MICOS13: variants seen among roughly 807,000 people sequenced by gnomAD.
The protein encoded by MICOS13 is MICOS complex subunit MIC13.
MICOS13 carries 15 observed loss-of-function variants against 16.1 expected under a neutral mutation model. That is an observed-to-expected ratio of 0.93 (90% CI 0.62 to 1.44). The LOEUF (loss-of-function observed/expected upper bound fraction) is 1.44. MICOS13 is among the 40% of genes most tolerant of loss of function. MICOS13 has a pLI of 0.00. For synonymous variants in MICOS13, 61 were observed against 62.6 expected (o/e 0.97, Z 0.12); for missense variants, 164 against 155.0 (o/e 1.06, Z -0.31).
At chr19:5,679,062 C>A (rs567522433) in intron 3 of MICOS13, 27 of 424,022 alleles carry the variant, frequency 6.4e-5, no homozygotes, top group African/African-American at 5.5e-4. Context: ...CAGGTGTGCA[C>A]CACCACGCAC....
At chr19:5,678,759 G>A (rs752682488) in intron 3 of MICOS13, 111 bp from the exon 4 acceptor site, 27 of 617,374 alleles carry the variant, frequency 4.4e-5, no homozygotes, top group South Asian at 7.9e-5. Context: ...GGTGGGGGGC[G>A]GGGATGGAGT....
chr19:5,678,468 C>T lies in MICOS13; in HGVS notation c.*83G>A, dbSNP rs191926179. The T allele has an allele frequency of 4.9e-5, 65 of 1,322,872 alleles. No individual in the cohort carries two copies. The highest frequency in any genetic ancestry group is 1.1e-4 in the Admixed American group (5 of 45,598). 81.9% of individuals were successfully genotyped at this position (1,322,872 alleles called of 1,614,324 possible). ...GGCCGGCAAGGCCGGGAGCTGCCCT[C>T]GGAGTGGGGTCCCAGTCCGGAGTCT... On this transcript the variant is annotated 3_prime_UTR_variant, in exon 4 of 4. Transcript: ENST00000309324.
intron 1 of MICOS13, 37 bp from the exon 2 acceptor site, chr19:5,679,800 A>C: frequency 6.5e-7 from 1 of 1,549,392 alleles, no homozygotes; most frequent in Non-Finnish European, 8.7e-7. Context: ...AGCTCAGCGG[A>C]CACTGACAGC....
rs775300752 is a variant in MICOS13, at chr19:5,679,759, G to A, written c.34C>T (p.Leu12Phe). ...CCCCCAGCCACACTTCCCTTGATGA[G>A]GAACCTGCGGGCAGGGACGGGAGGA... ...VARVWSLMRF[L>F]IKGSVAGGAV... Residue 12 changes from leucine (L) to phenylalanine (F), a missense_variant, in exon 2 of 4, where the codon CTC (leucine) becomes TTC (phenylalanine). Physicochemically the swap from Leu to Phe is conservative, Grantham distance 22. Transcript: ENST00000309324. The A allele has an allele frequency of 1.3e-6, 2 of 1,599,826 alleles. No individual in the cohort carries two copies. Among genetic ancestry groups the A allele is most frequent in the East Asian group, 4.5e-5 (2 of 44,396 alleles).
At chr19:5,679,470 G>A in intron 2 of MICOS13, 74 bp from the exon 3 acceptor site, 2 of 1,592,808 alleles carry the variant, frequency 1.3e-6, no homozygotes, top group Middle Eastern at 1.9e-4. Flanking sequence ...GAGGGAGGAG[G>A]ACAGGCCGGA....
Position 5,678,535 on chromosome 19 carries a change from G to A in MICOS13, c.*16C>T, listed in dbSNP as rs545120984. The stretch of plus-strand genomic sequence containing the variant: ...CCTGCCCGTTCTGGCCGGGGCAGGC[G>A]GCCCCTGCTGACTCGCTACTTGGTG... On this transcript the variant is annotated 3_prime_UTR_variant, in exon 4 of 4. Transcript: ENST00000309324. 2.2e-5 allele frequency: 34 copies of A among 1,545,838 alleles called. No individual in the cohort carries two copies. The highest frequency in any genetic ancestry group is 4.4e-4 in the Middle Eastern group (2 of 4,590).
chr19:5,680,270 G>C (rs1362263565), intron 1 of MICOS13, 188 bp downstream of exon 1: 1 of 1,591,090 alleles, frequency 6.3e-7, no homozygotes, highest in East Asian at 2.3e-5. Flanking sequence ...AGGAGGGAGG[G>C]GATTGGCGAC....
In MICOS13 at chr19:5,679,272, G is replaced by A. The variant is rs529194543; in HGVS notation, c.259+73C>T. On this transcript the variant is annotated intron_variant, in intron 3 of 3. Coordinates refer to ENST00000309324, the MANE Select transcript of MICOS13 (RefSeq NM_205767.3). Reference sequence around the variant, plus strand: ...GGGCAGGAAGGAGGATGGACAGAAAGGAATGGCCAGGAAGTGGGGAGAGGG... The same window carrying A: ...GGGCAGGAAGGAGGATGGACAGAAAAGAATGGCCAGGAAGTGGGGAGAGGG... 601 of 1,455,852 alleles carry A rather than the reference G, an allele frequency of 4.1e-4. 1 individual carries two copies. The highest frequency in any genetic ancestry group is 1.9e-3 in the Middle Eastern group (11 of 5,704). 90.2% of individuals were successfully genotyped at this position (1,455,852 alleles called of 1,614,324 possible).
chr19:5,679,948 A>AG, intron 1 of MICOS13, 185 bp from the exon 2 acceptor site: 13 of 1,392,150 alleles, frequency 9.3e-6, no homozygotes, highest in Non-Finnish European at 1.2e-5. Context: ...CGTGCAAGGC[A>AG]GGGCGGCTGG....
Position 5,678,614 on chromosome 19 carries a change from G to C in MICOS13, c.294C>G (p.Ala98=), listed in dbSNP as rs1012525023. 1.9e-6 allele frequency: 3 copies of C among 1,546,336 alleles called. No individual in the cohort carries two copies. In the South Asian group the frequency reaches 3.6e-5, roughly 18 times the overall value. Reference sequence around the variant, plus strand: ...TGGAGTACTCGCGGGCCTTGGAGGGGGCCACCGACAGAGCTGACATCACCG... The same window carrying C: ...TGGAGTACTCGCGGGCCTTGGAGGGCGCCACCGACAGAGCTGACATCACCG... The part of the protein sequence containing the change: ...IMTVMSALSV[A]PSKAREYSKE... Residue 98 remains alanine, a synonymous_variant, in exon 4 of 4, where the codon GCC becomes GCG. Transcript: ENST00000309324.
At position 5,680,510 on chromosome 19, in the gene MICOS13, G is replaced by C; in HGVS notation, c.-24C>G. On this transcript the variant is annotated 5_prime_UTR_variant, in exon 1 of 4. Transcript: ENST00000309324. ...ATGGTCGCTCGGATCCACGCGCAAG[G>C]ACACTCGGCTCGCCCGCCGCTTCCT... The C allele has an allele frequency of 6.3e-7, 1 of 1,597,654 alleles. No homozygotes were observed. The highest frequency in any genetic ancestry group is 1.4e-5 in the African/African-American group (1 of 73,670).
chr19:5,679,765 T>C lies in MICOS13; in HGVS notation c.30-2A>G. 1 of 1,597,266 alleles carries C rather than the reference T, an allele frequency of 6.3e-7. No homozygotes were observed. Among genetic ancestry groups the C allele is most frequent in the Non-Finnish European group, 8.5e-7 (1 of 1,174,518 alleles). On this transcript the variant is annotated splice_acceptor_variant, in intron 1 of 3. Transcript: ENST00000309324. LOFTEE classifies it high-confidence loss of function. Reference sequence around the variant, plus strand: ...GCCACACTTCCCTTGATGAGGAACCTGCGGGCAGGGACGGGAGGAGCAGAA... The same window carrying C: ...GCCACACTTCCCTTGATGAGGAACCCGCGGGCAGGGACGGGAGGAGCAGAA...
intron 3 of MICOS13, 184 bp from the exon 4 acceptor site, chr19:5,678,832 C>G: frequency 3.7e-6 from 2 of 545,258 alleles, no homozygotes; most frequent in Non-Finnish European, 6.4e-6. Flanking sequence ...ACCTTCGCCT[C>G]CTGGGTTCAA....
intron 3 of MICOS13, 64 bp from the exon 4 acceptor site, chr19:5,678,712 G>C: frequency 8.1e-7 from 1 of 1,228,880 alleles, no homozygotes; most frequent in Non-Finnish European, 1.1e-6. Context: ...TCCAACCCCT[G>C]GGAAACTCTA....
rs1223006690 is a variant in MICOS13, at chr19:5,678,487, G to A, written c.*64C>T. 1.9e-5 allele frequency: 27 copies of A among 1,442,824 alleles called. No individual in the cohort carries two copies. Among genetic ancestry groups the A allele is most frequent in the Admixed American group, 1.3e-4 (6 of 47,992 alleles). 89.4% of individuals were successfully genotyped at this position (1,442,824 alleles called of 1,614,324 possible). ...TGCCCTCGGAGTGGGGTCCCAGTCC[G>A]GAGTCTTCAGGTCAGTGGCAGCCCT... On this transcript the variant is annotated 3_prime_UTR_variant, in exon 4 of 4. Coordinates refer to ENST00000309324, the MANE Select transcript of MICOS13 (RefSeq NM_205767.3).
In MICOS13 at chr19:5,679,407, G is replaced by C. The variant is rs1211159156; in HGVS notation, c.208-11C>G. On this transcript the variant is annotated splice_polypyrimidine_tract_variant and intron_variant, in intron 2 of 3. Coordinates refer to ENST00000309324, the MANE Select transcript of MICOS13 (RefSeq NM_205767.3). Reference sequence around the variant, plus strand: ...TGGAGGGGCTGGGAGCTGGGAAAAAGAGATGGGCAGAAAGAACTGGTGAAA... The same window carrying C: ...TGGAGGGGCTGGGAGCTGGGAAAAACAGATGGGCAGAAAGAACTGGTGAAA... The C allele has an allele frequency of 6.2e-7, 1 of 1,613,192 alleles. No homozygotes were observed.
Position 5,678,630 on chromosome 19 carries a change from G to C in MICOS13, c.278C>G (p.Ser93Ter), listed in dbSNP as rs1378292737. 1.3e-6 allele frequency: 2 copies of C among 1,541,384 alleles called. No homozygotes were observed. The highest frequency in any genetic ancestry group is 2.8e-5 in the African/African-American group (2 of 72,686). ...SWNAGIMTVMSALSVAPSKAR... is the reference protein window; with the variant it reads ...SWNAGIMTVM ...CTTGGAGGGGGCCACCGACAGAGCT[G>C]ACATCACCGTCATGATGCCTGTGGG... Residue 93 changes from serine (S) to a stop codon, truncating the protein, a stop_gained, in exon 4 of 4, where the codon TCA becomes TGA. Coordinates refer to ENST00000309324, the MANE Select transcript of MICOS13 (RefSeq NM_205767.3). LOFTEE classifies it high-confidence loss of function.
rs2054480900 is a variant in MICOS13, at chr19:5,678,968, GTGCAACCTCGGCTCAC to G, written c.260-336_260-321del. ...CTGTCGCCCAGGCTGGAGTGCAGTG[GTGCAACCTCGGCTCAC>G]TGCAACCTCTGCCTCCTGGGTTCAA... On this transcript the variant is annotated intron_variant, in intron 3 of 3. Transcript: ENST00000309324. The G allele has an allele frequency of 1.1e-5, 4 of 379,170 alleles. No individual in the cohort carries two copies. The East Asian group carries it at 2.5e-4, about 24-fold the overall frequency. 23.5% of individuals were successfully genotyped at this position (379,170 alleles called of 1,614,324 possible).
intron 1 of MICOS13, chr19:5,680,230 G>T: frequency 6.5e-7 from 1 of 1,549,946 alleles, no homozygotes; most frequent in South Asian, 1.2e-5. Context: ...CTGACACCGC[G>T]AACTGAACGC....
Sources: allele counts gnomAD v4.1 joint callset, GRCh38; gene constraint gnomAD v4.1.1; transcripts MANE v1.5; gene names NCBI Gene and HGNC (gene_info 2026-07-23, HGNC 2026-07-21).